MORC4: variants seen among roughly 807,000 people sequenced by gnomAD.
MORC4 encodes the protein MORC family CW-type zinc finger protein 4.
MORC4 carries 22 observed loss-of-function variants against 65.5 expected under a neutral mutation model. The ratio of observed to expected loss-of-function variants is 0.34; its 90% CI spans 0.24 to 0.48. MORC4 has a LOEUF of 0.48. Among genes scored for constraint, MORC4 ranks in the 20% least tolerant of loss-of-function variants. The probability of loss-of-function intolerance (pLI) is 0.99; values close to 1 mark genes in which losing one functional copy is unlikely to be tolerated. For synonymous variants in MORC4, 267 were observed against 255.8 expected (o/e 1.04, Z -0.42); for missense variants, 624 against 703.0 (o/e 0.89, Z 1.27).
At chrX:106,999,354 G>A (rs1222130775) in intron 2 of MORC4, among the ~76,000 whole-genome samples, 3 of 111,730 alleles carry the variant, frequency 2.7e-5, no homozygotes, top group Non-Finnish European at 3.8e-5. Flanking sequence ...AGCTGCCTCA[G>A]GGCCCGAGGT....
At chrX:106,959,414 T>A (rs1202316023) in intron 10 of MORC4, among the ~76,000 whole-genome samples, 1 of 112,083 alleles carries the variant, frequency 8.9e-6, no homozygotes, top group Non-Finnish European at 1.9e-5. Flanking sequence ...AGGATGAGAT[T>A]TATGCATGTT....
chrX:106,999,292 C>T (rs1472037115), intron 2 of MORC4, among the ~76,000 whole-genome samples: 2 of 111,626 alleles, frequency 1.8e-5, no homozygotes, highest in Non-Finnish European at 3.8e-5. Context: ...CGGTCCTCTA[C>T]GCCCCTTTGC....
At chrX:106,949,772 G>C (rs1189609448) in intron 14 of MORC4, among the ~76,000 whole-genome samples, 2 of 112,375 alleles carry the variant, frequency 1.8e-5, no homozygotes, top group Non-Finnish European at 3.8e-5. Context: ...CATTGAGTGT[G>C]TGCGAGACTT....
At chrX:106,994,928 G>A (rs1935048136) in intron 2 of MORC4, among the ~76,000 whole-genome samples, 1 of 111,198 alleles carries the variant, frequency 9.0e-6, no homozygotes, top group Non-Finnish European at 1.9e-5. Flanking sequence ...CTTATACAAT[G>A]TGTAATGATC....
At chrX:106,948,506 TAC>T (rs1933902438) in intron 14 of MORC4, among the ~76,000 whole-genome samples, 1 of 112,087 alleles carries the variant, frequency 8.9e-6, no homozygotes, top group East Asian at 2.8e-4. Context: ...TTTAATTAAC[TAC>T]ACAGTTACTT....
intron 5 of MORC4, among the ~76,000 whole-genome samples, chrX:106,983,840 C>T (rs975562535): frequency 2.7e-5 from 3 of 110,567 alleles, no homozygotes; most frequent in African/African-American, 9.9e-5. Context: ...GCCACCACAC[C>T]TGGCCAGATT....
Position 106,980,546 on chromosome X carries a change from T to C in MORC4, c.936+345A>G, listed in dbSNP as rs758366387. Reference sequence around the variant, plus strand: ...ACCAAATAATGTGTATTATTCCTTATAGCAGAGGTTCTCAAACCTGGCTGC... The same window carrying C: ...ACCAAATAATGTGTATTATTCCTTACAGCAGAGGTTCTCAAACCTGGCTGC... On this transcript the variant is annotated intron_variant, in intron 7 of 16. Transcript: ENST00000355610. Among the ~76,000 whole-genome samples the C allele has an allele frequency of 4.3e-4, 48 of 111,728 alleles. No individual in the cohort carries two copies. In the Admixed American group the frequency reaches 4.4e-3, roughly 10 times the overall value.
intron 14 of MORC4, among the ~76,000 whole-genome samples, chrX:106,951,852 C>T (rs192338847): frequency 0.019 from 2,034 of 107,983 alleles, 51 homozygotes; most frequent in African/African-American, 0.064. Flanking sequence ...AAAAATTAGC[C>T]GGGCGTGGTG....
At chrX:106,968,558 A>C (rs1934426984) in intron 9 of MORC4, among the ~76,000 whole-genome samples, 1 of 104,036 alleles carries the variant, frequency 9.6e-6, no homozygotes, top group African/African-American at 3.5e-5. Context: ...GGTGTGCTGT[A>C]TTCAGGAGAC....
intron 9 of MORC4, among the ~76,000 whole-genome samples, chrX:106,965,350 G>A (rs1934348933): frequency 8.9e-6 from 1 of 111,773 alleles, no homozygotes; most frequent in Admixed American, 9.5e-5. Context: ...AAAACGAAAT[G>A]AGAAAGGAAT....
rs761365480 is a variant in MORC4, at chrX:106,941,457, A to G, written c.*22T>C. On this transcript the variant is annotated 3_prime_UTR_variant, in exon 17 of 17. Transcript: ENST00000355610. ...GAGAACAGACAGAAGATAAGAGAAG[A>G]GAAGGGTATACAGTCTGGTGCTCAA... The G allele has an allele frequency of 8.7e-6, 10 of 1,154,027 alleles. No homozygotes were observed. The highest frequency in any genetic ancestry group is 1.2e-5 in the Non-Finnish European group (10 of 855,565).
chrX:106,977,929 A>C, intron 8 of MORC4, 151 bp downstream of exon 8: 1 of 594,302 alleles, frequency 1.7e-6, no homozygotes, highest in South Asian at 3.0e-5. Context: ...AACACAAGAC[A>C]GCTCACTGGT....
intron 14 of MORC4, among the ~76,000 whole-genome samples, chrX:106,950,010 G>A (rs1383165433): frequency 8.9e-6 from 1 of 111,985 alleles, no homozygotes; most frequent in Non-Finnish European, 1.9e-5. Flanking sequence ...TAGAGGTTGT[G>A]CTTAAACCCC....
Position 106,941,255 on chromosome X carries a change from C to A in MORC4, c.*224G>T, listed in dbSNP as rs750740375. ...TGACTATTGCTTTTCTGACCCTAGA[C>A]TCTTGAAAGCCTATTTAAACTGGCC... On this transcript the variant is annotated 3_prime_UTR_variant, in exon 17 of 17. Coordinates refer to ENST00000355610, the MANE Select transcript of MORC4 (RefSeq NM_024657.5). 8.7e-5 allele frequency: 28 copies of A among 320,012 alleles called. No homozygotes were observed. The highest frequency in any genetic ancestry group is 7.1e-4 in the African/African-American group (26 of 36,537). The allele number at this position is 320,012 out of a possible 1,213,427, so 26.4% of individuals were successfully genotyped here.
chrX:106,996,014 C>T (rs190518405), intron 2 of MORC4, among the ~76,000 whole-genome samples: 2,070 of 111,300 alleles, frequency 0.019, 52 homozygotes, highest in African/African-American at 0.064. Flanking sequence ...TAGAGGTATT[C>T]TTTTCTAACA....
chrX:106,941,846 C>T (rs1933691313), intron 16 of MORC4, 92 bp downstream of exon 16: 2 of 989,440 alleles, frequency 2.0e-6, no homozygotes, highest in Non-Finnish European at 2.8e-6. Context: ...TGAATTAAGG[C>T]TTCCTCCTTT....
intron 9 of MORC4, among the ~76,000 whole-genome samples, chrX:106,962,906 G>T (rs2147811719): frequency 8.9e-6 from 1 of 112,000 alleles, no homozygotes; most frequent in African/African-American, 3.2e-5. Flanking sequence ...TGTACACTTA[G>T]AATTCAGAAT....
chrX:106,978,839 C>T (rs925214420), intron 7 of MORC4, among the ~76,000 whole-genome samples: 2 of 111,196 alleles, frequency 1.8e-5, no homozygotes, highest in African/African-American at 6.5e-5. Flanking sequence ...TCTTACCATA[C>T]CAAACACAAT....
At position 106,941,422 on chromosome X, in the gene MORC4, G is replaced by C; in HGVS notation, c.*57C>G. 1.1e-6 allele frequency: 1 copy of C among 887,684 alleles called. No individual in the cohort carries two copies. The highest frequency in any genetic ancestry group is 1.6e-6 in the Non-Finnish European group (1 of 638,864). 73.2% of individuals were successfully genotyped at this position (887,684 alleles called of 1,213,427 possible). On this transcript the variant is annotated 3_prime_UTR_variant, in exon 17 of 17. Coordinates refer to ENST00000355610, the MANE Select transcript of MORC4 (RefSeq NM_024657.5). ...AGAGAGAGAGAGAGACGTGAGGGAG[G>C]GAGAGAAAAGAGAACAGACAGAAGA...
Sources: gnomAD v4.1 joint callset for allele counts (sites outside exome capture counted in the v4.1 genomes callset) on GRCh38, gnomAD v4.1.1 for gene constraint, MANE v1.5 for transcripts, NCBI Gene and HGNC (gene_info 2026-07-23, HGNC 2026-07-21) for gene names.